The following LAMB4 variants were observed in gnomAD, a reference collection of about 807,000 sequenced individuals.
LAMB4 encodes the protein laminin subunit beta 4, also known as laminin subunit beta-4.
A neutral mutation model predicts 199.2 loss-of-function variants in LAMB4; 196 were observed. The ratio of observed to expected loss-of-function variants is 0.98; its 90% CI spans 0.88 to 1.11. The LOEUF (loss-of-function observed/expected upper bound fraction) is 1.11, where lower values mean the gene tolerates loss of function less well. Ranked by LOEUF, LAMB4 falls within the 50% of genes least tolerant of loss-of-function variation. The pLI is 0.00. For synonymous variants in LAMB4, 744 were observed against 770.6 expected (o/e 0.97, Z 0.57); for missense variants, 2,080 against 2,171.2 (o/e 0.96, Z 0.83).
chr7:108,127,103 C>T (rs981575794), intron 1 of LAMB4, among the ~76,000 whole-genome samples: 2 of 151,938 alleles, frequency 1.3e-5, no homozygotes, highest in South Asian at 4.1e-4. Context: ...TTGCTCTGCT[C>T]CTGGATTCCC....
At chr7:108,129,463 A>G (rs1390489971) in intron 1 of LAMB4, among the ~76,000 whole-genome samples, 1 of 151,776 alleles carries the variant, frequency 6.6e-6, no homozygotes, top group Non-Finnish European at 1.5e-5. Flanking sequence ...TTATGTCAGG[A>G]CTCATTAGAT....
intron 1 of LAMB4, among the ~76,000 whole-genome samples, chr7:108,127,053 G>T (rs1004219718): frequency 2.6e-5 from 4 of 152,002 alleles, no homozygotes; most frequent in African/African-American, 9.7e-5. Context: ...ACCACTGATG[G>T]CTTGCCAATA....
At position 108,098,479 on chromosome 7, in the gene LAMB4, G is replaced by A. The variant is rs148434495; in HGVS notation, c.1284C>T (p.Asn428=). ...SVAGQCLCKE[N]VEGAKCDQCK... is the part of the protein sequence containing the mutation. ...ACTGGTCGCATTTGGCTCCTTCCAC[G>A]TTCTCTTTACAAAGGCACTGGCCGG... Residue 428 remains asparagine (N), a synonymous_variant, in exon 11 of 34, where the codon AAC becomes AAT. Coordinates refer to ENST00000388781, the MANE Select transcript of LAMB4 (RefSeq NM_007356.3). 9 of 1,613,690 alleles carry A rather than the reference G, an allele frequency of 5.6e-6. No homozygotes were observed. Among genetic ancestry groups the A allele is most frequent in the African/African-American group, 4.0e-5 (3 of 74,854 alleles).
chr7:108,078,134 CA>C (rs1484504991), intron 16 of LAMB4, 66 bp downstream of exon 16: 2 of 1,057,510 alleles, frequency 1.9e-6, no homozygotes, highest in Non-Finnish European at 2.9e-6. Context: ...TTCCCAGAAA[CA>C]AATTACTGAT....
intron 14 of LAMB4, among the ~76,000 whole-genome samples, chr7:108,080,559 C>A (rs542530417): frequency 5.9e-5 from 9 of 152,196 alleles, no homozygotes; most frequent in African/African-American, 2.2e-4. Flanking sequence ...CAGAATAATG[C>A]CCAAGTTACT....
At chr7:108,021,861 T>C (rs2150472445), downstream of LAMB4, among the ~76,000 whole-genome samples, 1 of 152,334 alleles carries the variant, frequency 6.6e-6, no homozygotes, top group African/African-American at 2.4e-5. Flanking sequence ...ATTCCAAAGA[T>C]AAGTAGAGGA....
At chr7:108,030,515 T>C (rs2034990307) in intron 32 of LAMB4, among the ~76,000 whole-genome samples, 2 of 152,202 alleles carry the variant, frequency 1.3e-5, no homozygotes, top group Non-Finnish European at 2.9e-5. Flanking sequence ...TGTGAAAAGT[T>C]TGGAAGTTCG....
intron 14 of LAMB4, among the ~76,000 whole-genome samples, chr7:108,086,097 G>A (rs2037165173): frequency 6.6e-6 from 1 of 152,156 alleles, no homozygotes; most frequent in East Asian, 1.9e-4. Flanking sequence ...GCTGTTGGCT[G>A]ATGAGAGCCA....
chr7:108,120,167 T>C (rs2038549797), intron 2 of LAMB4, among the ~76,000 whole-genome samples: 1 of 152,208 alleles, frequency 6.6e-6, no homozygotes. Flanking sequence ...ATCAGCTTGG[T>C]TTCTTTTCAG....
chr7:108,029,212 C>G lies in LAMB4; in HGVS notation c.4993-16G>C, dbSNP rs1444724422. On this transcript the variant is annotated splice_polypyrimidine_tract_variant and intron_variant, in intron 32 of 33. Transcript: ENST00000388781. ...CAACAAATTCCTGTAACAAGCAACA[C>G]TTGCATCATGAGAAAATATGTATAA... is the stretch of plus-strand genomic sequence containing the variant. 1 of 1,607,184 alleles carries G rather than the reference C, an allele frequency of 6.2e-7. No homozygotes were observed. Among genetic ancestry groups the G allele is most frequent in the Middle Eastern group, 1.7e-4 (1 of 6,024 alleles).
At chr7:108,055,599 T>G (rs1338300159) in intron 25 of LAMB4, 33 bp downstream of exon 25, 1 of 1,582,180 alleles carries the variant, frequency 6.3e-7, no homozygotes, top group East Asian at 2.2e-5. Flanking sequence ...AAATCAGGAG[T>G]TTGGCTGTCT....
intron 24 of LAMB4, among the ~76,000 whole-genome samples, chr7:108,057,344 T>G (rs2150535874): frequency 6.6e-6 from 1 of 152,316 alleles, no homozygotes; most frequent in South Asian, 2.1e-4. Flanking sequence ...AACCCAGCAA[T>G]TCCACTTAGA....
rs1442234562 is a variant in LAMB4, at chr7:108,103,231, C to T, written c.993G>A (p.Ser331=). 5.2e-6 allele frequency: 8 copies of T among 1,550,026 alleles called. No individual in the cohort carries two copies. The highest frequency in any genetic ancestry group is 2.4e-5 in the South Asian group (2 of 84,002). The stretch of plus-strand genomic sequence containing the variant: ...GGCTGGAGTGGCTATTACAGCTGCA[C>T]GCTGAAAGGAGAAGACAGTGACTGA... ...AADLQDNACR[S]CSCNSHSSRC... Residue 331 remains serine, a splice_region_variant and synonymous_variant, in exon 10 of 34, where the codon TCG becomes TCA. Coordinates refer to ENST00000388781, the MANE Select transcript of LAMB4 (RefSeq NM_007356.3).
At chr7:108,042,937 C>CTCTCTGTGTGTGTG (rs1554426273) in intron 29 of LAMB4, among the ~76,000 whole-genome samples, 4 of 140,292 alleles carry the variant, frequency 2.9e-5, no homozygotes, top group African/African-American at 1.1e-4. Context: ...CTCTCAATCT[C>CTCTCTGTGTGTGTG]TGTGTGTGTG....
At position 108,062,876 on chromosome 7, in the gene LAMB4, G is replaced by A. The variant is rs1428620822; in HGVS notation, c.3180C>T (p.Ala1060=). 3 of 1,605,858 alleles carry A rather than the reference G, an allele frequency of 1.9e-6. No homozygotes were observed. The highest frequency in any genetic ancestry group is 2.5e-6 in the Non-Finnish European group (3 of 1,176,828). The change falls in exon 23 of 34, where the codon GCC becomes GCT. Residue 1060 remains alanine (A), a synonymous_variant. Coordinates refer to ENST00000388781, the MANE Select transcript of LAMB4 (RefSeq NM_007356.3). Reference sequence around the variant, plus strand: ...AGTATCCATCAGCACAACGGTCACAGGCCAGGCCTGTGACATTCGGCAGAC... The same window carrying A: ...AGTATCCATCAGCACAACGGTCACAAGCCAGGCCTGTGACATTCGGCAGAC... ...CPCLPNVTGL[A]CDRCADGYWN...
intron 32 of LAMB4, among the ~76,000 whole-genome samples, chr7:108,030,399 T>C (rs1482394247): frequency 4.6e-5 from 7 of 152,240 alleles, no homozygotes; most frequent in Admixed American, 6.5e-5. Flanking sequence ...TGTAACTTGA[T>C]GTATTTTCTT....
intron 15 of LAMB4, among the ~76,000 whole-genome samples, chr7:108,078,990 C>G (rs117716025): frequency 0.05 from 7,658 of 152,300 alleles, 253 homozygotes; most frequent in South Asian, 0.071. Context: ...ACCACACCCC[C>G]CTCCAGCCAT....
downstream of LAMB4, among the ~76,000 whole-genome samples, chr7:108,023,305 ATAGT>A (rs60441299): frequency 0.21 from 31,884 of 152,026 alleles, 7,325 homozygotes; most frequent in African/African-American, 0.58. Flanking sequence ...ACGTGCAAAA[ATAGT>A]TAGTATGAAA....
At chr7:108,023,526 G>C (rs2034735798), downstream of LAMB4, 1 of 152,154 alleles carries the variant, frequency 6.6e-6, no homozygotes, top group African/African-American at 2.4e-5. Context: ...TGACCATGTA[G>C]GAACGTAGGT....
Sources: allele counts gnomAD v4.1 joint callset (sites outside exome capture counted in the v4.1 genomes callset), GRCh38; gene constraint gnomAD v4.1.1; transcripts MANE v1.5; gene names NCBI Gene and HGNC (gene_info 2026-07-23, HGNC 2026-07-21).